PADI4: variants seen among roughly 807,000 people sequenced by gnomAD.
The protein encoded by PADI4 is peptidyl arginine deiminase 4.
PADI4 carries 62 observed loss-of-function variants against 75.0 expected under a neutral mutation model. The ratio of observed to expected loss-of-function variants is 0.83; its 90% CI spans 0.67 to 1.02. The LOEUF is 1.02. Ranked by LOEUF, PADI4 falls within the 50% of genes least tolerant of loss-of-function variation. The pLI, the probability that PADI4 is intolerant of heterozygous loss-of-function variation, is 0.00. For synonymous variants in PADI4, 361 were observed against 348.1 expected (o/e 1.04, Z -0.41); for missense variants, 845 against 850.5 (o/e 0.99, Z 0.08).
At chr1:17,360,620 C>A (rs1484748222) in intron 15 of PADI4, among the ~76,000 whole-genome samples, 2 of 152,218 alleles carry the variant, frequency 1.3e-5, no homozygotes, top group Non-Finnish European at 2.9e-5. Context: ...TCTGCCAGGG[C>A]TCTGGCTTCA....
chr1:17,308,526 T>C (rs1375988988), intron 1 of PADI4, among the ~76,000 whole-genome samples: 1 of 152,102 alleles, frequency 6.6e-6, no homozygotes, highest in Non-Finnish European at 1.5e-5. Flanking sequence ...AAGTGCAAAT[T>C]CCCCAGGAAC....
Position 17,333,937 on chromosome 1 carries a change from C to T in PADI4, c.274-6C>T. 6.2e-7 allele frequency: 1 copy of T among 1,606,548 alleles called. No homozygotes were observed. The highest frequency in any genetic ancestry group is 8.5e-7 in the Non-Finnish European group (1 of 1,173,078). Reference sequence around the variant, plus strand: ...GAGAAGTCATTAGTGATCTGCTCTCCCATAGGTTCAGATTTCATACTACGG... The same window carrying T: ...GAGAAGTCATTAGTGATCTGCTCTCTCATAGGTTCAGATTTCATACTACGG... On this transcript the variant is annotated splice_polypyrimidine_tract_variant and splice_region_variant and intron_variant, in intron 2 of 15. Coordinates refer to ENST00000375448, the MANE Select transcript of PADI4 (RefSeq NM_012387.3).
chr1:17,363,573 C>A lies in PADI4; in HGVS notation c.1810C>A (p.Pro604Thr). 1 of 1,614,062 alleles carries A rather than the reference C, an allele frequency of 6.2e-7. No individual in the cohort carries two copies. Residue 604 changes from proline (P) to threonine (T), a missense_variant, in exon 16 of 16, where the codon CCC (proline) becomes ACC (threonine). Transcript: ENST00000375448. ...CCTGGGCATCCCCAAGCCCTTCGGG[C>A]CCGTCATCAACGGCCGCTGCTGCCT... ...KHLGIPKPFG[P>T]VINGRCCLEE...
intron 1 of PADI4, among the ~76,000 whole-genome samples, chr1:17,313,433 G>A (rs1057313890): frequency 7.4e-5 from 11 of 148,812 alleles, no homozygotes; most frequent in Non-Finnish European, 1.5e-4. Context: ...CCTGGGAGGC[G>A]GAGGCTGCAG....
intron 1 of PADI4, among the ~76,000 whole-genome samples, chr1:17,316,698 TAAA>T (rs1352290873): frequency 7.5e-5 from 11 of 145,804 alleles, no homozygotes; most frequent in African/African-American, 2.8e-4. Context: ...TCAAAATAAA[TAAA>T]TAAATAAATT....
intron 13 of PADI4, among the ~76,000 whole-genome samples, chr1:17,357,738 T>G (rs1479844733): frequency 6.7e-6 from 1 of 149,614 alleles, no homozygotes; most frequent in Non-Finnish European, 1.5e-5. Context: ...CAAGGCCAGC[T>G]AGGCCAAGAT....
At chr1:17,313,372 A>G (rs931520294) in intron 1 of PADI4, among the ~76,000 whole-genome samples, 2 of 144,578 alleles carry the variant, frequency 1.4e-5, no homozygotes, top group Non-Finnish European at 3.0e-5. Flanking sequence ...GTGGTGGTGC[A>G]TGCCTGTAAT....
At position 17,358,892 on chromosome 1, in the gene PADI4, A is replaced by T. The variant is rs566872956; in HGVS notation, c.1613A>T (p.His538Leu). The T allele has an allele frequency of 3.1e-5, 50 of 1,608,272 alleles. No homozygotes were observed. The highest frequency in any genetic ancestry group is 3.9e-5 in the Non-Finnish European group (46 of 1,176,504). Reference protein sequence around the residue: ...NILSNKTLREHNSFVERCIDW... With the variant: ...NILSNKTLRELNSFVERCIDW... Reference sequence around the variant, plus strand: ...CTGTCAAACAAGACATTGAGAGAACATAATTCATTTGTGGAGGTAGGAGCC... The same window carrying T: ...CTGTCAAACAAGACATTGAGAGAACTTAATTCATTTGTGGAGGTAGGAGCC... The change falls in exon 14 of 16, where the codon CAT (histidine) becomes CTT (leucine). Residue 538 changes from histidine (H) to leucine (L), a missense_variant. By Grantham distance (99) the His-to-Leu change is moderately conservative. Transcript: ENST00000375448.
At chr1:17,311,761 G>A (rs1265000707) in intron 1 of PADI4, among the ~76,000 whole-genome samples, 2 of 151,968 alleles carry the variant, frequency 1.3e-5, no homozygotes, top group Non-Finnish European at 2.9e-5. Flanking sequence ...TCCTGACCTC[G>A]TGATCCACCC....
chr1:17,359,436 AG>A, intron 15 of PADI4, 28 bp downstream of exon 15: 1 of 1,613,306 alleles, frequency 6.2e-7, no homozygotes, highest in Non-Finnish European at 8.5e-7. Context: ...TTAAAACCCC[AG>A]GGTGTGGCAT....
chr1:17,354,874 A>G (rs2074733636), intron 11 of PADI4, among the ~76,000 whole-genome samples, 187 bp downstream of exon 11: 1 of 152,202 alleles, frequency 6.6e-6, no homozygotes, highest in Admixed American at 6.5e-5. Context: ...CCCAAGTTCA[A>G]TTCCAGCCCT....
At chr1:17,311,850 G>A (rs2073836858) in intron 1 of PADI4, among the ~76,000 whole-genome samples, 1 of 152,072 alleles carries the variant, frequency 6.6e-6, no homozygotes, top group Non-Finnish European at 1.5e-5. Flanking sequence ...TAGACCAGTT[G>A]GCATGACAGT....
At chr1:17,363,492 C>T in intron 15 of PADI4, 30 bp from the exon 16 acceptor site, 1 of 1,524,894 alleles carries the variant, frequency 6.6e-7, no homozygotes, top group Middle Eastern at 1.8e-4. Flanking sequence ...CCCGCTGCTG[C>T]CTGTGACCTG....
chr1:17,323,497 T>C (rs903303001), intron 1 of PADI4, among the ~76,000 whole-genome samples: 7 of 152,166 alleles, frequency 4.6e-5, no homozygotes, highest in African/African-American at 1.7e-4. Flanking sequence ...TACATATAAC[T>C]CTTAATATAG....
At chr1:17,337,973 C>A in intron 4 of PADI4, 65 bp from the exon 5 acceptor site, 1 of 827,900 alleles carries the variant, frequency 1.2e-6, no homozygotes, top group Non-Finnish European at 2.0e-6. Context: ...GTTGCTATGC[C>A]TCTTGCAAGA....
chr1:17,348,414 T>C (rs2074558784), intron 10 of PADI4, among the ~76,000 whole-genome samples: 1 of 152,114 alleles, frequency 6.6e-6, no homozygotes, highest in Admixed American at 6.5e-5. Flanking sequence ...CTCTGTCTTA[T>C]GGGTGGTGTT....
At chr1:17,311,802 G>A (rs1419948699) in intron 1 of PADI4, among the ~76,000 whole-genome samples, 2 of 152,148 alleles carry the variant, frequency 1.3e-5, no homozygotes, top group African/African-American at 4.8e-5. Flanking sequence ...TGGGATTACA[G>A]GCTTGAGCCA....
chr1:17,362,351 CA>C (rs34897407), intron 15 of PADI4, among the ~76,000 whole-genome samples: 27,615 of 107,280 alleles, frequency 0.26, 2,634 homozygotes, highest in African/African-American at 0.33. Context: ...GACCCTGTCT[CA>C]AAAAAAAAAA....
Position 17,363,908 on chromosome 1 carries a change from T to G in PADI4, c.*153T>G, listed in dbSNP as rs1283056775. On this transcript the variant is annotated 3_prime_UTR_variant, in exon 16 of 16. Transcript: ENST00000375448. ...CTTTCTTCTCCTGTGATGTCCCAGTTTCCCACTCTGAAGATCCCAACATGG... is the reference window on the plus strand; with the variant it reads ...CTTTCTTCTCCTGTGATGTCCCAGTGTCCCACTCTGAAGATCCCAACATGG... 3 of 596,446 alleles carry G rather than the reference T, an allele frequency of 5.0e-6. No homozygotes were observed. Among genetic ancestry groups the G allele is most frequent in the Non-Finnish European group, 9.1e-6 (3 of 329,080 alleles). 36.9% of individuals were successfully genotyped at this position (596,446 alleles called of 1,614,324 possible). A position where few individuals can be genotyped will look rare whatever the true frequency, so the allele number is the denominator to read the frequency against.
Sources: allele counts gnomAD v4.1 joint callset (sites outside exome capture counted in the v4.1 genomes callset), GRCh38; gene constraint gnomAD v4.1.1; transcripts MANE v1.5; gene names NCBI Gene and HGNC (gene_info 2026-07-23, HGNC 2026-07-21).